SPATA6L: variants seen among roughly 807,000 people sequenced by gnomAD.
SPATA6L encodes the protein spermatogenesis associated 6 like.
SPATA6L carries 68 observed loss-of-function variants against 49.2 expected under a neutral mutation model. The ratio of observed to expected loss-of-function variants is 1.38; its 90% CI spans 1.14 to 1.69. The LOEUF (loss-of-function observed/expected upper bound fraction) is 1.69. Among genes scored for constraint, SPATA6L ranks in the 40% most tolerant of loss-of-function variants. SPATA6L has a pLI of 0.00. For missense variants in SPATA6L, 668 were observed against 464.3 expected (o/e 1.44, Z -4.03); for synonymous variants, 198 against 165.7 (o/e 1.19, Z -1.50).
chr9:4,640,311 C>A lies in SPATA6L; in HGVS notation c.227-4912G>T, dbSNP rs146379859. On this transcript the variant is annotated intron_variant, in intron 3 of 11. Coordinates refer to ENST00000682582, the MANE Select transcript of SPATA6L (RefSeq NM_001353486.2). ...TTTCTTGGCAGCAAAGATCACTAGA[C>A]TTCTTCATTCTTTAGCAGTAAAGCT... Among the ~76,000 whole-genome samples the A allele has an allele frequency of 3.3e-5, 5 of 152,286 alleles. No individual in the cohort carries two copies. The East Asian group carries it at 9.6e-4, about 29-fold the overall frequency.
At chr9:4,638,654 A>G (rs1833347864) in intron 3 of SPATA6L, among the ~76,000 whole-genome samples, 1 of 152,102 alleles carries the variant, frequency 6.6e-6, no homozygotes. Context: ...CTCTGCCTCC[A>G]TCCAGAAACT....
chr9:4,647,103 GA>G (rs527856167), intron 3 of SPATA6L, among the ~76,000 whole-genome samples: 7 of 146,530 alleles, frequency 4.8e-5, no homozygotes, highest in East Asian at 2.0e-4. Context: ...GAAAAGTATT[GA>G]AAAAAAAAGA....
At chr9:4,612,551 G>C (rs548202750) in intron 9 of SPATA6L, among the ~76,000 whole-genome samples, 1 of 152,282 alleles carries the variant, frequency 6.6e-6, no homozygotes, top group South Asian at 2.1e-4. Flanking sequence ...TCCTGTAGAG[G>C]AGGTCAGCTG....
chr9:4,640,250 C>T (rs1209142087), intron 3 of SPATA6L, among the ~76,000 whole-genome samples: 2 of 152,226 alleles, frequency 1.3e-5, no homozygotes, highest in African/African-American at 4.8e-5. Flanking sequence ...TCCTTTTTTC[C>T]CACCTTTGTA....
At chr9:4,611,221 A>C (rs2130251136) in intron 9 of SPATA6L, among the ~76,000 whole-genome samples, 1 of 145,816 alleles carries the variant, frequency 6.9e-6, no homozygotes, top group East Asian at 2.0e-4. Context: ...TAGTTCAACC[A>C]TTGTGGAAGT....
At chr9:4,622,273 CCACA>C in intron 7 of SPATA6L, 131 bp downstream of exon 7, 1 of 609,500 alleles carries the variant, frequency 1.6e-6, no homozygotes, top group Non-Finnish European at 2.9e-6. Context: ...CCTGGAAATT[CCACA>C]GCTGGAGAGT....
intron 13 of SPATA6L, among the ~76,000 whole-genome samples, chr9:4,591,610 C>G (rs1037595588): frequency 6.6e-6 from 1 of 152,200 alleles, no homozygotes; most frequent in African/African-American, 2.4e-5. Flanking sequence ...GGAGCTAATC[C>G]TCCCATCTTC....
chr9:4,658,903 T>A (rs1587520116), intron 2 of SPATA6L, among the ~76,000 whole-genome samples: 1 of 146,922 alleles, frequency 6.8e-6, no homozygotes, highest in African/African-American at 2.5e-5. Context: ...TGCCCCAAGG[T>A]CTTGCCACTG....
chr9:4,651,363 T>C (rs139854199), intron 3 of SPATA6L, among the ~76,000 whole-genome samples: 12 of 152,208 alleles, frequency 7.9e-5, no homozygotes, highest in African/African-American at 2.6e-4. Context: ...ATTAAATTAG[T>C]AATCAAAAAA....
chr9:4,597,421 C>T (rs1055757146), downstream of SPATA6L, among the ~76,000 whole-genome samples: 117 of 151,814 alleles, frequency 7.7e-4, no homozygotes, highest in African/African-American at 2.6e-3. Context: ...CTCTAAAAGA[C>T]GCAGAATCCC....
chr9:4,603,742 T>C (rs1458463547), intron 11 of SPATA6L, among the ~76,000 whole-genome samples: 1 of 152,214 alleles, frequency 6.6e-6, no homozygotes, highest in African/African-American at 2.4e-5. Flanking sequence ...GGAAAAATGC[T>C]GTGTACTAAA....
At chr9:4,621,724 G>A (rs545946529) in intron 7 of SPATA6L, among the ~76,000 whole-genome samples, 1 of 152,166 alleles carries the variant, frequency 6.6e-6, no homozygotes, top group African/African-American at 2.4e-5. Flanking sequence ...CCAACCTCAG[G>A]TGATCTGCCT....
In SPATA6L at chr9:4,604,355, A is replaced by G. The variant is rs140747718; in HGVS notation, c.1090-86T>C. On this transcript the variant is annotated intron_variant, in intron 10 of 11. Coordinates refer to ENST00000682582, the MANE Select transcript of SPATA6L (RefSeq NM_001353486.2). ...CCAGATGTGTAGTTTTGCATGTAGG[A>G]GGTCTGTGCATCCCATTTATGCCGT... 2.5e-3 allele frequency: 2,040 copies of G among 807,762 alleles called. 31 individuals are homozygous for G. Among genetic ancestry groups the G allele is most frequent in the East Asian group, 2.6e-3 (101 of 38,618 alleles). 50.0% of individuals were successfully genotyped at this position (807,762 alleles called of 1,614,324 possible). A position where few individuals can be genotyped will look rare whatever the true frequency, so the allele number is the denominator to read the frequency against.
At chr9:4,640,952 C>A (rs1241677867) in intron 3 of SPATA6L, among the ~76,000 whole-genome samples, 2 of 152,168 alleles carry the variant, frequency 1.3e-5, no homozygotes, top group Non-Finnish European at 2.9e-5. Flanking sequence ...ACTATTCTTG[C>A]AACCTTTTCA....
Position 4,591,843 on chromosome 9 carries a change from GCAGA to G in SPATA6L, c.*255-2886_*255-2883del, listed in dbSNP as rs537647417. Reference sequence around the variant, plus strand: ...AATGTTTGCTTCTATATCAATCCAGGCAGACAGTCACCTACCCTATTCTTGGGCA... The same window carrying G: ...AATGTTTGCTTCTATATCAATCCAGGCAGTCACCTACCCTATTCTTGGGCA... On this transcript the variant is annotated intron_variant and NMD_transcript_variant, in intron 13 of 13. Transcript: ENST00000461761. 7.3e-3 allele frequency among the ~76,000 whole-genome samples: 1,114 copies of G among 152,192 alleles called. 9 individuals are homozygous for G. Among genetic ancestry groups the G allele is most frequent in the Non-Finnish European group, 0.011 (750 of 67,998 alleles).
chr9:4,641,313 T>A (rs541596415), intron 3 of SPATA6L, among the ~76,000 whole-genome samples: 4 of 152,138 alleles, frequency 2.6e-5, no homozygotes, highest in East Asian at 1.9e-4. Flanking sequence ...CTTGCAGATA[T>A]GAAAATATCC....
chr9:4,648,031 C>T (rs1330876377), intron 3 of SPATA6L, among the ~76,000 whole-genome samples: 1 of 152,030 alleles, frequency 6.6e-6, no homozygotes, highest in African/African-American at 2.4e-5. Flanking sequence ...GATGGAGTTT[C>T]GCCATGTTGG....
chr9:4,618,204 G>T (rs2130356031), intron 8 of SPATA6L, 94 bp from the exon 9 acceptor site: 2 of 1,079,510 alleles, frequency 1.9e-6, no homozygotes, highest in Non-Finnish European at 2.7e-6. Context: ...GATAACTCGG[G>T]CTAAGATGAC....
chr9:4,661,398 C>G (rs566602800), intron 2 of SPATA6L, among the ~76,000 whole-genome samples: 6 of 152,186 alleles, frequency 3.9e-5, no homozygotes, highest in Non-Finnish European at 8.8e-5. Context: ...AGAATGGAAT[C>G]TAGCCTTTAT....
Sources: allele counts gnomAD v4.1 joint callset (sites outside exome capture counted in the v4.1 genomes callset), GRCh38; gene constraint gnomAD v4.1.1; transcripts MANE v1.5; gene names NCBI Gene and HGNC (gene_info 2026-07-23, HGNC 2026-07-21).